The following CSMD1 variants were observed in gnomAD, a reference collection of about 807,000 sequenced individuals.
CSMD1 encodes the protein CUB and Sushi multiple domains 1.
A neutral mutation model predicts 417.5 loss-of-function variants in CSMD1; 213 were observed. The observed-to-expected ratio is 0.51, with a 90% CI of 0.46 to 0.57. CSMD1 has a LOEUF of 0.57. Ranked by LOEUF, CSMD1 falls within the 20% of genes least tolerant of loss-of-function variation. The probability of loss-of-function intolerance (pLI) is 0.00; values close to 1 mark genes in which losing one functional copy is unlikely to be tolerated. For missense variants in CSMD1, 6,923 were observed against 4,529.7 expected (o/e 1.53, Z -15.17); for synonymous variants, 2,862 against 1,736.8 (o/e 1.65, Z -16.11).
rs536938107 is a variant in CSMD1 at position 4,637,883 on chromosome 8, G to C, written c.86-325C>G. Among the ~76,000 whole-genome samples, 8 of 151,094 alleles carry C rather than the reference G, an allele frequency of 5.3e-5. No homozygotes were observed. In the East Asian group the frequency reaches 1.4e-3, roughly 26 times the overall value. ...GACGGGGTTTCACCTTGTTAGCCAG[G>C]ATGGTCTCGATCTCCTGACCTCATG... On this transcript the variant is annotated intron_variant, in intron 1 of 69. Transcript: ENST00000635120.
rs1177404436 is a variant in CSMD1 at position 2,955,640 on chromosome 8, T to G, written c.9943A>C (p.Arg3315=). The change falls in exon 64 of 70, where the codon AGA becomes CGA. Residue 3315 remains arginine, a synonymous_variant. Transcript: ENST00000635120. ...CATTTCATGTCTGCTTTACATGTTC[T>G]GTGCTCAGATCCCCCTGCGAGGAAA... The part of the protein sequence containing the change: ...GFFLAGGSEH[R]TCKADMKWTG... The G allele has an allele frequency of 6.2e-7, 1 of 1,613,968 alleles. No individual in the cohort carries two copies. The highest frequency in any genetic ancestry group is 8.5e-7 in the Non-Finnish European group (1 of 1,179,830).
intron 3 of CSMD1, among the ~76,000 whole-genome samples, chr8:4,159,827 A>G (rs1310610438): frequency 1.3e-5 from 2 of 152,134 alleles, no homozygotes; most frequent in Non-Finnish European, 2.9e-5. Flanking sequence ...TTCTAAGTGA[A>G]GTAACTCTGG....
rs527964340 is a variant in CSMD1 at position 3,303,974 on chromosome 8, C to T, written c.3950+3721G>A. 8.0e-5 allele frequency among the ~76,000 whole-genome samples: 12 copies of T among 149,416 alleles called. No individual in the cohort carries two copies. The East Asian group carries it at 2.0e-3, about 25-fold the overall frequency. ...ATTATAATAACTATTTTGGGGTATT[C>T]GATTACCTCAAACAAAGAGGAATAG... On this transcript the variant is annotated intron_variant, in intron 25 of 69. Transcript: ENST00000635120.
chr8:4,069,392 T>C (rs1283173189), intron 3 of CSMD1, among the ~76,000 whole-genome samples: 1 of 152,246 alleles, frequency 6.6e-6, no homozygotes, highest in Non-Finnish European at 1.5e-5. Flanking sequence ...TTCGTCTGTT[T>C]TCTGAGTTTT....
chr8:3,129,337 T>C (rs1817671630), intron 41 of CSMD1, among the ~76,000 whole-genome samples: 1 of 152,234 alleles, frequency 6.6e-6, no homozygotes, highest in South Asian at 2.1e-4. Flanking sequence ...CTCTAGATGA[T>C]TCCTACATGG....
intron 23 of CSMD1, among the ~76,000 whole-genome samples, chr8:3,333,963 G>A (rs1408267130): frequency 6.6e-6 from 1 of 152,170 alleles, no homozygotes; most frequent in African/African-American, 2.4e-5. Context: ...CTGCCCCTCA[G>A]CTTGTATAGG....
intron 3 of CSMD1, among the ~76,000 whole-genome samples, chr8:4,090,061 T>A (rs952326396): frequency 1.3e-5 from 2 of 152,214 alleles, no homozygotes; most frequent in African/African-American, 2.4e-5. Context: ...ACATGTAAAT[T>A]TTCGAATGAG....
chr8:4,413,756 A>G (rs1472933093), intron 3 of CSMD1, among the ~76,000 whole-genome samples: 1 of 152,034 alleles, frequency 6.6e-6, no homozygotes, highest in Non-Finnish European at 1.5e-5. Context: ...AAACCCCTGC[A>G]AATGGAGGAC....
chr8:3,964,784 A>C (rs1428075672), intron 5 of CSMD1, among the ~76,000 whole-genome samples: 6 of 152,220 alleles, frequency 3.9e-5, no homozygotes, highest in Non-Finnish European at 2.9e-5. Flanking sequence ...TGTATCCAAC[A>C]ATTATTTGCT....
chr8:3,281,111 C>G (rs563363604), intron 26 of CSMD1, among the ~76,000 whole-genome samples: 1 of 151,998 alleles, frequency 6.6e-6, no homozygotes, highest in African/African-American at 2.4e-5. Context: ...GCATAATTGC[C>G]AAAATTTTGA....
In CSMD1 at chr8:3,512,838, C is replaced by T. The variant is rs575758842; in HGVS notation, c.1345-19112G>A. ...CTAGGATGGTCTTGATCTCTTCATCCGCCCACCTCGGCCTCCCAAAATGCT... is the reference window on the plus strand; with the variant it reads ...CTAGGATGGTCTTGATCTCTTCATCTGCCCACCTCGGCCTCCCAAAATGCT... On this transcript the variant is annotated intron_variant, in intron 10 of 69. Coordinates refer to ENST00000635120, the MANE Select transcript of CSMD1 (RefSeq NM_033225.6). Among the ~76,000 whole-genome samples, 12 of 151,968 alleles carry T rather than the reference C, an allele frequency of 7.9e-5. No individual in the cohort carries two copies. In the South Asian group the frequency reaches 8.3e-4, roughly 11 times the overall value.
At chr8:4,837,695 T>C in intron 1 of CSMD1, among the ~76,000 whole-genome samples, 1 of 152,162 alleles carries the variant, frequency 6.6e-6, no homozygotes, top group East Asian at 1.9e-4. Flanking sequence ...TACTATTTGA[T>C]ATCACAATAC....
intron 1 of CSMD1, 21 bp downstream of exon 1, chr8:4,994,311 C>A: frequency 1.2e-6 from 2 of 1,605,664 alleles, no homozygotes; most frequent in Non-Finnish European, 1.7e-6. Context: ...GCCTCCCCGG[C>A]CAGGAGCAAG....
intron 1 of CSMD1, among the ~76,000 whole-genome samples, chr8:4,695,712 G>A (rs1353488897): frequency 2.0e-5 from 3 of 152,022 alleles, no homozygotes; most frequent in Non-Finnish European, 2.9e-5. Context: ...GTTTACTTCA[G>A]GATTTACCGT....
chr8:3,296,395 A>C (rs1339190740), intron 25 of CSMD1, among the ~76,000 whole-genome samples: 1 of 151,988 alleles, frequency 6.6e-6, no homozygotes, highest in Non-Finnish European at 1.5e-5. Flanking sequence ...AGCAGAGAAG[A>C]ATGGGGGTTG....
chr8:4,195,048 T>G (rs1182476992), intron 3 of CSMD1, among the ~76,000 whole-genome samples: 1 of 152,170 alleles, frequency 6.6e-6, no homozygotes, highest in Admixed American at 6.5e-5. Context: ...ATTTAAAAAT[T>G]ACAAAGCAGT....
At chr8:4,451,615 CA>C (rs200167759) in intron 2 of CSMD1, among the ~76,000 whole-genome samples, 1 of 151,934 alleles carries the variant, frequency 6.6e-6, no homozygotes, top group Non-Finnish European at 1.5e-5. Flanking sequence ...AGGTTATATT[CA>C]AGAAGGAATC....
chr8:3,838,033 T>A (rs926007315), intron 5 of CSMD1, among the ~76,000 whole-genome samples: 5 of 152,224 alleles, frequency 3.3e-5, no homozygotes, highest in African/African-American at 1.2e-4. Flanking sequence ...TAAATAAATA[T>A]GTATGTATTG....
chr8:3,183,478 T>G (rs1468640685), intron 36 of CSMD1, among the ~76,000 whole-genome samples: 7 of 68,826 alleles, frequency 1.0e-4, no homozygotes, highest in Admixed American at 1.4e-4. Flanking sequence ...CGAGTAGGTC[T>G]CTAACGTTTC....
Sources: allele counts gnomAD v4.1 joint callset (sites outside exome capture counted in the v4.1 genomes callset), GRCh38; gene constraint gnomAD v4.1.1; transcripts MANE v1.5; gene names NCBI Gene and HGNC (gene_info 2026-07-23, HGNC 2026-07-21).